CACNA1S: variants seen among roughly 807,000 people sequenced by gnomAD.
CACNA1S encodes the protein calcium voltage-gated channel subunit alpha1 S.
A neutral mutation model predicts 207.4 loss-of-function variants in CACNA1S; 126 were observed. The observed-to-expected ratio is 0.61, with a 90% CI of 0.53 to 0.70. CACNA1S has a LOEUF of 0.70. Among genes scored for constraint, CACNA1S ranks in the 30% least tolerant of loss-of-function variants. CACNA1S has a pLI of 0.00. For synonymous variants in CACNA1S, 960 were observed against 932.7 expected (o/e 1.03, Z -0.53); for missense variants, 2,349 against 2,422.8 (o/e 0.97, Z 0.64).
Position 201,077,894 on chromosome 1 carries a change from A to T in CACNA1S, c.1604T>A (p.Ile535Asn). ...CGGCACTCACTTGGTGATCTTGAAGATCCTCAGGAGGCGGATGCAGCGGAG... is the reference window on the plus strand; with the variant it reads ...CGGCACTCACTTGGTGATCTTGAAGTTCCTCAGGAGGCGGATGCAGCGGAG... Reference protein sequence around the residue: ...SVLRCIRLLRIFKITKYWTSL... With the variant: ...SVLRCIRLLRNFKITKYWTSL... Residue 535 changes from isoleucine (I) to asparagine (N), a missense_variant, in exon 11 of 44, where the codon ATC becomes AAC. Coordinates refer to ENST00000362061, the MANE Select transcript of CACNA1S (RefSeq NM_000069.3). 6.2e-7 allele frequency: 1 copy of T among 1,613,786 alleles called. No individual in the cohort carries two copies. Among genetic ancestry groups the T allele is most frequent in the East Asian group, 2.2e-5 (1 of 44,880 alleles).
At chr1:201,091,005 A>T (rs1009724172) in intron 5 of CACNA1S, among the ~76,000 whole-genome samples, 1 of 152,206 alleles carries the variant, frequency 6.6e-6, no homozygotes, top group African/African-American at 2.4e-5. Context: ...ATATTGTGAC[A>T]TGTTCCTCGG....
chr1:201,048,748 C>T, intron 35 of CACNA1S, 64 bp from the exon 36 acceptor site: 1 of 1,422,974 alleles, frequency 7.0e-7, no homozygotes, highest in Non-Finnish European at 9.9e-7. Flanking sequence ...GCAAGTCATC[C>T]TCACCCGGTC....
At chr1:201,094,056 T>G (rs770433460) in intron 2 of CACNA1S, 35 bp from the exon 3 acceptor site, 59 of 1,613,764 alleles carry the variant, frequency 3.7e-5, no homozygotes, top group Non-Finnish European at 4.8e-5. Context: ...CATGCCTCTG[T>G]GCTCTCTGAG....
At position 201,061,315 on chromosome 1, in the gene CACNA1S, C is replaced by T; in HGVS notation, c.3207G>A (p.Gln1069=). ...TCTTGTACTCAGTCTCTCCCTGCTCCTGGAAGGTGACAATGACGAAGCCCA... is the reference window on the plus strand; with the variant it reads ...TCTTGTACTCAGTCTCTCCCTGCTCTTGGAAGGTGACAATGACGAAGCCCA... ...IFVGFVIVTF[Q]EQGETEYKNC... is the part of the protein sequence containing the mutation. The change falls in exon 25 of 44, where the codon CAG becomes CAA. Residue 1069 remains glutamine (Q), a synonymous_variant. Coordinates refer to ENST00000362061, the MANE Select transcript of CACNA1S (RefSeq NM_000069.3). The T allele has an allele frequency of 6.2e-7, 1 of 1,614,196 alleles. No homozygotes were observed. Among genetic ancestry groups the T allele is most frequent in the Non-Finnish European group, 8.5e-7 (1 of 1,180,048 alleles).
intron 28 of CACNA1S, among the ~76,000 whole-genome samples, chr1:201,055,683 G>C (rs527738091): frequency 1.3e-5 from 2 of 152,344 alleles, no homozygotes; most frequent in East Asian, 3.9e-4. Context: ...TGTCCTTGCA[G>C]AAAGTTCTAA....
intron 17 of CACNA1S, among the ~76,000 whole-genome samples, chr1:201,070,050 C>A (rs757768156): frequency 1.7e-4 from 26 of 152,236 alleles, no homozygotes; most frequent in Non-Finnish European, 3.4e-4. Context: ...AGAAAGGAAC[C>A]AATAAACAGG....
At chr1:201,055,113 C>T (rs1451841899) in intron 28 of CACNA1S, among the ~76,000 whole-genome samples, 1 of 152,178 alleles carries the variant, frequency 6.6e-6, no homozygotes, top group Non-Finnish European at 1.5e-5. Flanking sequence ...TATTCGGGCT[C>T]TTGAAGAGCA....
intron 7 of CACNA1S, 79 bp from the exon 8 acceptor site, chr1:201,085,660 A>G: frequency 6.5e-7 from 1 of 1,548,490 alleles, no homozygotes; most frequent in Non-Finnish European, 8.9e-7. Flanking sequence ...CTGAGGACAG[A>G]CAAGCCCATT....
intron 2 of CACNA1S, among the ~76,000 whole-genome samples, chr1:201,102,016 G>A (rs541170375): frequency 5.3e-5 from 8 of 152,208 alleles, no homozygotes; most frequent in East Asian, 1.9e-4. Flanking sequence ...TGAAGAAGAC[G>A]GTAGTCCCCT....
At chr1:201,091,528 C>CAGAT in intron 5 of CACNA1S, 112 bp downstream of exon 5, 1 of 1,200,376 alleles carries the variant, frequency 8.3e-7, no homozygotes, top group South Asian at 1.2e-5. Flanking sequence ...TCAAGGTCAA[C>CAGAT]AGATGTGGGC....
intron 7 of CACNA1S, among the ~76,000 whole-genome samples, chr1:201,085,891 T>A (rs1459629245): frequency 6.6e-6 from 1 of 152,214 alleles, no homozygotes; most frequent in African/African-American, 2.4e-5. Flanking sequence ...TAGGGGTTAA[T>A]GACAAGGCAG....
chr1:201,056,040 AACAC>A (rs367570154), intron 28 of CACNA1S, among the ~76,000 whole-genome samples: 9 of 145,570 alleles, frequency 6.2e-5, no homozygotes, highest in African/African-American at 2.1e-4. Context: ...GGAAATACAC[AACAC>A]ACACACACAG....
chr1:201,052,268 T>C (rs1041778435), intron 32 of CACNA1S, among the ~76,000 whole-genome samples: 25 of 152,236 alleles, frequency 1.6e-4, no homozygotes, highest in Admixed American at 4.6e-4. Context: ...ATCTGACCTC[T>C]GTCTCTTGCT....
chr1:201,066,863 G>C lies in CACNA1S; in HGVS notation c.2657+24C>G. ...CAGAGCAGAGGGTGGTCTGTGCCCA[G>C]GGCTGGCCCTTGCCGCTGCTCACTC... is the stretch of plus-strand genomic sequence containing the variant. On this transcript the variant is annotated intron_variant, in intron 20 of 43. Transcript: ENST00000362061. The surrounding 1 kb of genome is among the most constrained non-coding windows in gnomAD (Gnocchi z 4.3). 1 of 1,571,662 alleles carries C rather than the reference G, an allele frequency of 6.4e-7. No homozygotes were observed. Among genetic ancestry groups the C allele is most frequent in the South Asian group, 1.1e-5 (1 of 89,922 alleles).
chr1:201,061,082 C>T (rs61451656), intron 25 of CACNA1S, among the ~76,000 whole-genome samples, 185 bp downstream of exon 25: 2 of 152,182 alleles, frequency 1.3e-5, no homozygotes, highest in African/African-American at 4.8e-5. Flanking sequence ...CAAGAAGACC[C>T]ACTCTACCAA....
rs150954040 is a variant in CACNA1S at position 201,085,474 on chromosome 1, G to A, written c.1112C>T (p.Thr371Met). The A allele has an allele frequency of 2.3e-4, 378 of 1,613,422 alleles. 2 individuals carry two copies. The highest frequency in any genetic ancestry group is 6.6e-4 in the Middle Eastern group (4 of 6,062). Residue 371 changes from threonine to methionine, a missense_variant, in exon 8 of 44, where the codon ACG becomes ATG. Thr to Met is a moderately conservative substitution (Grantham distance 81, BLOSUM62 -1). Transcript: ENST00000362061. ...EDLRGYMSWI[T>M]QGEVMDVEDF... ...CTCAACATCCATGACCTCGCCCTGC[G>A]TGATCCAGCTCATGTAGCCCCGAAG...
At chr1:201,110,137 G>C in intron 2 of CACNA1S, 27 bp downstream of exon 2, 1 of 1,598,618 alleles carries the variant, frequency 6.3e-7, no homozygotes, top group South Asian at 1.1e-5. Context: ...AGGCTCGCAG[G>C]AAGGGAGATG....
rs145628146 is a variant in CACNA1S at position 201,068,916 on chromosome 1, G to A, written c.2550+221C>T. On this transcript the variant is annotated intron_variant, in intron 19 of 43. Coordinates refer to ENST00000362061, the MANE Select transcript of CACNA1S (RefSeq NM_000069.3). ...AAATGCCTGAGGCTTCAAGACATGGGCTGTACTCTGTGGATGGGGGAGCCA... is the reference window on the plus strand; with the variant it reads ...AAATGCCTGAGGCTTCAAGACATGGACTGTACTCTGTGGATGGGGGAGCCA... Among the ~76,000 whole-genome samples the A allele has an allele frequency of 2.4e-3, 373 of 152,266 alleles. 3 individuals are homozygous for A. Among genetic ancestry groups the A allele is most frequent in the African/African-American group, 7.8e-3 (324 of 41,548 alleles).
chr1:201,105,932 C>T (rs1403238156), intron 2 of CACNA1S, among the ~76,000 whole-genome samples: 1 of 152,230 alleles, frequency 6.6e-6, no homozygotes, highest in Admixed American at 6.5e-5. Flanking sequence ...GCCCCTGCCC[C>T]ACCCAGCCAG....
Sources: allele counts gnomAD v4.1 joint callset (sites outside exome capture counted in the v4.1 genomes callset), GRCh38; gene constraint gnomAD v4.1.1; non-coding constraint Gnocchi (gnomAD v3.1); transcripts MANE v1.5; gene names NCBI Gene and HGNC (gene_info 2026-07-23, HGNC 2026-07-21).